The following CFAP46 variants were observed in gnomAD, a reference collection of about 807,000 sequenced individuals.
CFAP46 encodes cilia and flagella associated protein 46.
A neutral mutation model predicts 325.7 loss-of-function variants in CFAP46; 245 were observed. The observed-to-expected ratio is 0.75, with a 90% CI of 0.68 to 0.84. The LOEUF is 0.84. Among genes scored for constraint, CFAP46 ranks in the 40% least tolerant of loss-of-function variants. CFAP46 has a pLI of 0.00. For missense variants in CFAP46, 3,346 were observed against 3,543.0 expected (o/e 0.94, Z 1.41); for synonymous variants, 1,523 against 1,495.9 (o/e 1.02, Z -0.42).
Position 132,892,411 on chromosome 10 carries a change from C to T in CFAP46, c.3226G>A (p.Gly1076Arg), listed in dbSNP as rs1376484428. ...NKTEARKQEK[G>R]KTLLLHQWPT... ...CACTGGTGCAGAAGCAGCGTCTTTC[C>T]TTTCTCCTAAAGTAACGCAAGTAAA... is the stretch of plus-strand genomic sequence containing the variant. Residue 1076 changes from glycine to arginine, a missense_variant, in exon 25 of 58, where the codon GGA (glycine) becomes AGA (arginine). Transcript: ENST00000368586. 1.3e-6 allele frequency: 2 copies of T among 1,550,666 alleles called. No homozygotes were observed. The highest frequency in any genetic ancestry group is 1.7e-6 in the Non-Finnish European group (2 of 1,147,052).
At chr10:132,814,283 C>T (rs1237432050) in intron 53 of CFAP46, 29 bp from the exon 54 acceptor site, 1 of 1,565,038 alleles carries the variant, frequency 6.4e-7, no homozygotes, top group South Asian at 1.1e-5. Flanking sequence ...GGATACAGAC[C>T]ACGGTGTTTC....
intron 25 of CFAP46, among the ~76,000 whole-genome samples, chr10:132,890,437 G>A (rs934622367): frequency 6.6e-6 from 1 of 152,170 alleles, no homozygotes; most frequent in Non-Finnish European, 1.5e-5. Context: ...TTGGACCCCC[G>A]TCACTCCTAT....
intron 50 of CFAP46, among the ~76,000 whole-genome samples, chr10:132,826,211 CGG>C (rs1848046014): frequency 8.0e-6 from 1 of 125,294 alleles, no homozygotes; most frequent in Admixed American, 7.6e-5. Context: ...GCCGGAGCCA[CGG>C]AGACCAGCCA....
chr10:132,903,291 C>A (rs1849414493), intron 22 of CFAP46, among the ~76,000 whole-genome samples: 1 of 152,256 alleles, frequency 6.6e-6, no homozygotes, highest in African/African-American at 2.4e-5. Flanking sequence ...GGCCTGGAAT[C>A]TAGTCCTGTG....
intron 8 of CFAP46, among the ~76,000 whole-genome samples, chr10:132,931,045 C>T (rs1337677128): frequency 3.4e-5 from 4 of 118,018 alleles, no homozygotes; most frequent in East Asian, 2.9e-4. Flanking sequence ...CCCCACACTC[C>T]CCACACAGAG....
At chr10:132,829,548 G>A (rs749672391) in intron 50 of CFAP46, among the ~76,000 whole-genome samples, 29 of 152,052 alleles carry the variant, frequency 1.9e-4, no homozygotes, top group African/African-American at 4.6e-4. Context: ...TCTCTACTCC[G>A]GCCGGGATCT....
intron 57 of CFAP46, among the ~76,000 whole-genome samples, chr10:132,809,132 G>A (rs1443339237): frequency 6.6e-6 from 1 of 150,850 alleles, no homozygotes; most frequent in Non-Finnish European, 1.5e-5. Flanking sequence ...CTGGACCCCC[G>A]ATCCGAAGCC....
At chr10:132,810,839 C>A in intron 56 of CFAP46, 111 bp downstream of exon 56, 1 of 985,196 alleles carries the variant, frequency 1.0e-6, no homozygotes, top group Non-Finnish European at 1.6e-6. Flanking sequence ...ACAGCTCTCA[C>A]CGTTCTTGAA....
intron 45 of CFAP46, 116 bp from the exon 46 acceptor site, chr10:132,836,334 G>A (rs1012562107): frequency 4.9e-5 from 42 of 859,838 alleles, no homozygotes; most frequent in African/African-American, 3.3e-4. Flanking sequence ...GACCATGGAC[G>A]CCCAGCAGGG....
At position 132,859,055 on chromosome 10, in the gene CFAP46, G is replaced by A. The variant is rs754622225; in HGVS notation, c.5375+16C>T. 1.6e-5 allele frequency: 25 copies of A among 1,547,156 alleles called. No homozygotes were observed. The highest frequency in any genetic ancestry group is 1.9e-5 in the Non-Finnish European group (22 of 1,144,932). On this transcript the variant is annotated intron_variant, in intron 38 of 57. Coordinates refer to ENST00000368586, the MANE Select transcript of CFAP46 (RefSeq NM_001200049.3). ...AAGCAGTGACTCCCGTGCAGGGGTC[G>A]TGGAGGCAGCCTTACCTCTTGATCT...
intron 46 of CFAP46, 66 bp downstream of exon 46, chr10:132,836,076 C>T: frequency 1.5e-6 from 2 of 1,302,378 alleles, no homozygotes; most frequent in Non-Finnish European, 2.1e-6. Context: ...CCCTGCTCAC[C>T]TCCCCACTCT....
At chr10:132,912,631 C>A in intron 19 of CFAP46, 24 bp downstream of exon 19, 1 of 1,465,874 alleles carries the variant, frequency 6.8e-7, no homozygotes. Context: ...CTCTCTCTCT[C>A]TCTCGGCATC....
intron 50 of CFAP46, among the ~76,000 whole-genome samples, chr10:132,831,895 T>C (rs1272182728): frequency 6.6e-6 from 1 of 152,106 alleles, no homozygotes; most frequent in East Asian, 1.9e-4. Context: ...TCTGTGGGGT[T>C]TTTTGTTTGT....
chr10:132,861,260 T>C (rs901394948), intron 35 of CFAP46, among the ~76,000 whole-genome samples: 5 of 152,328 alleles, frequency 3.3e-5, no homozygotes, highest in African/African-American at 1.2e-4. Flanking sequence ...GAGGTTTCTC[T>C]GGAGTCAGCA....
intron 4 of CFAP46, among the ~76,000 whole-genome samples, chr10:132,938,991 C>T (rs1000153228): frequency 7.9e-5 from 12 of 152,182 alleles, no homozygotes; most frequent in Non-Finnish European, 5.9e-5. Context: ...ATGGCTCCAG[C>T]GCAGGCCCGG....
Position 132,832,070 on chromosome 10 carries a change from ACATTTATGTTATAAAAC to A in CFAP46, c.7117+1271_7117+1287del, listed in dbSNP as rs1276996754. Among the ~76,000 whole-genome samples the A allele has an allele frequency of 6.6e-6, 1 of 152,156 alleles. No individual in the cohort carries two copies. The highest frequency in any genetic ancestry group is 2.4e-5 in the African/African-American group (1 of 41,420). ...CTTTTGTGCTGTCGTCATTCATTTC[ACATTTATGTTATAAAAC>A]CCCATACCATTATTATTGTCTTTTG... On this transcript the variant is annotated intron_variant, in intron 50 of 57. Coordinates refer to ENST00000368586, the MANE Select transcript of CFAP46 (RefSeq NM_001200049.3). This position sits in a 1 kb window ranked among gnomAD's most constrained non-coding sequence, Gnocchi z 4.1.
chr10:132,902,630 T>C (rs574724183), intron 22 of CFAP46, among the ~76,000 whole-genome samples: 23 of 152,358 alleles, frequency 1.5e-4, no homozygotes, highest in African/African-American at 5.3e-4. Flanking sequence ...CTGTTGGCTG[T>C]TTTTTCTATT....
Position 132,941,631 on chromosome 10 carries a change from C to T in CFAP46, c.266G>A (p.Cys89Tyr), listed in dbSNP as rs769027201. The T allele has an allele frequency of 1.2e-6, 2 of 1,613,886 alleles. No individual in the cohort carries two copies. The highest frequency in any genetic ancestry group is 4.5e-5 in the East Asian group (2 of 44,884). ...ITQFLGRAHL[C>Y]RAQMCAPKSA... is the part of the protein sequence containing the mutation. ...CTTCGGGGCACACATCTGGGCCCTG[C>T]ACAGGTGCGCTCGGCCCAGAAACTG... Residue 89 changes from cysteine to tyrosine, a missense_variant, in exon 3 of 58, where the codon TGC (cysteine) becomes TAC (tyrosine). Coordinates refer to ENST00000368586, the MANE Select transcript of CFAP46 (RefSeq NM_001200049.3).
chr10:132,823,521 G>GA (rs1337263306), intron 50 of CFAP46, among the ~76,000 whole-genome samples: 3 of 119,320 alleles, frequency 2.5e-5, no homozygotes, highest in African/African-American at 3.2e-5. Flanking sequence ...GATGTGTGCT[G>GA]TGTGTGCTGT....
Sources: allele counts gnomAD v4.1 joint callset (sites outside exome capture counted in the v4.1 genomes callset), GRCh38; gene constraint gnomAD v4.1.1; non-coding constraint Gnocchi (gnomAD v3.1); transcripts MANE v1.5; gene names NCBI Gene and HGNC (gene_info 2026-07-23, HGNC 2026-07-21).